The following RBSN variants were observed in gnomAD, a reference collection of about 807,000 sequenced individuals.
The protein encoded by RBSN is rabenosyn-5.
Under a neutral mutation model 60.5 loss-of-function variants are expected in RBSN, and 34 were observed. That is an observed-to-expected ratio of 0.56 (90% CI 0.43 to 0.75). The LOEUF is 0.75. RBSN is among the 30% of genes least tolerant of loss of function. The probability of loss-of-function intolerance (pLI) is 0.00; values close to 1 mark genes in which losing one functional copy is unlikely to be tolerated. For synonymous variants in RBSN, 322 were observed against 366.9 expected (o/e 0.88, Z 1.40); for missense variants, 845 against 986.8 (o/e 0.86, Z 1.92).
At chr3:15,098,455 T>TAAAAA (rs1485723784) in intron 1 of RBSN, among the ~76,000 whole-genome samples, 181 bp from the exon 2 acceptor site, 3 of 2,738 alleles carry the variant, frequency 1.1e-3, no homozygotes, top group African/African-American at 5.2e-3. Flanking sequence ...ACGTAAAAAG[T>TAAAAA]AAAAAAAATA....
chr3:15,074,930 C>G lies in RBSN; in HGVS notation c.1207G>C (p.Ala403Pro). The part of the protein sequence containing the change: ...MERKRAVERQ[A>P]ALESQRRLEE... ...AGCCTTCGCTGGGACTCCAGGGCAG[C>G]CTGGGGAGAGAGCAAAGCAGAGAGA... Residue 403 changes from alanine to proline, a missense_variant and splice_region_variant, in exon 14 of 14, where the codon GCT becomes CCT. Coordinates refer to ENST00000253699, the MANE Select transcript of RBSN (RefSeq NM_022340.4). This position sits in a 1 kb window ranked among gnomAD's most constrained non-coding sequence, Gnocchi z 6.4. 6.2e-7 allele frequency: 1 copy of G among 1,605,498 alleles called. No homozygotes were observed. The highest frequency in any genetic ancestry group is 8.5e-7 in the Non-Finnish European group (1 of 1,176,708).
rs1269471588 is a variant in RBSN, at chr3:15,089,461, A to AAAAAAAC, written c.289+937_289+938insGTTTTTT. On this transcript the variant is annotated intron_variant, in intron 5 of 13. Coordinates refer to ENST00000253699, the MANE Select transcript of RBSN (RefSeq NM_022340.4). ...ACACAGTGAGACTCCATCTCCAAAA[A>AAAAAAAC]AAAAAAAAAAAAAAAACAAAAAAAA... 8.8e-4 allele frequency among the ~76,000 whole-genome samples: 99 copies of AAAAAAAC among 112,982 alleles called. 7 individuals are homozygous for AAAAAAAC. Among genetic ancestry groups the AAAAAAAC allele is most frequent in the Non-Finnish European group, 4.2e-4 (25 of 59,826 alleles). The allele number at this position is 112,982 out of a possible 152,430, so 74.1% of individuals were successfully genotyped here.
Position 15,074,470 on chromosome 3 carries a change from G to C in RBSN, c.1667C>G (p.Pro556Arg). 1 of 1,614,224 alleles carries C rather than the reference G, an allele frequency of 6.2e-7. No individual in the cohort carries two copies. The highest frequency in any genetic ancestry group is 8.5e-7 in the Non-Finnish European group (1 of 1,180,040). Residue 556 changes from proline to arginine, a missense_variant, in exon 14 of 14, where the codon CCT (proline) becomes CGT (arginine). Physicochemically the swap from Pro to Arg is moderately radical, Grantham distance 103 (BLOSUM62 -2). Coordinates refer to ENST00000253699, the MANE Select transcript of RBSN (RefSeq NM_022340.4). This position sits in a 1 kb window ranked among gnomAD's most constrained non-coding sequence, Gnocchi z 6.4. The stretch of plus-strand genomic sequence containing the variant: ...CTCTCTGCTGGGCTCCAGCTGAAAA[G>C]GGCCGATTTCTCTGAAGTCCAGGGA... ...TRSLDFREIG[P>R]FQLEPSREPR...
rs768820778 is a variant in RBSN at position 15,074,236 on chromosome 3, G to A, written c.1901C>T (p.Ser634Phe). Residue 634 changes from serine (S) to phenylalanine (F), a missense_variant, in exon 14 of 14, where the codon TCC becomes TTC. By Grantham distance (155) the Ser-to-Phe change is radical. Coordinates refer to ENST00000253699, the MANE Select transcript of RBSN (RefSeq NM_022340.4). This position sits in a 1 kb window ranked among gnomAD's most constrained non-coding sequence, Gnocchi z 6.4. ...SLNPFDEEDLSSPMEEATTGP... is the reference protein window; with the variant it reads ...SLNPFDEEDLFSPMEEATTGP... Reference sequence around the variant, plus strand: ...AGTAGTGGCCTCTTCCATGGGGCTGGAGAGGTCTTCCTCATCAAAGGGGTT... The same window carrying A: ...AGTAGTGGCCTCTTCCATGGGGCTGAAGAGGTCTTCCTCATCAAAGGGGTT... 2.5e-6 allele frequency: 4 copies of A among 1,609,872 alleles called. No homozygotes were observed. Among genetic ancestry groups the A allele is most frequent in the South Asian group, 2.2e-5 (2 of 90,480 alleles).
intron 9 of RBSN, chr3:15,081,646 T>G (rs1439503318): frequency 6.6e-6 from 1 of 152,422 alleles, no homozygotes; most frequent in Non-Finnish European, 1.5e-5. Flanking sequence ...CAGTGGTCAT[T>G]AGGCAAAATT....
intron 4 of RBSN, 26 bp from the exon 5 acceptor site, chr3:15,090,565 A>G: frequency 6.2e-7 from 1 of 1,610,720 alleles, no homozygotes; most frequent in Non-Finnish European, 8.5e-7. Flanking sequence ...AAATAATACA[A>G]ATGAGCCATG....
chr3:15,097,347 T>C (rs1276788955), intron 2 of RBSN, among the ~76,000 whole-genome samples: 1 of 152,008 alleles, frequency 6.6e-6, no homozygotes, highest in African/African-American at 2.4e-5. Flanking sequence ...AAACCCTATC[T>C]CTACTAAAAA....
chr3:15,080,792 A>G lies in RBSN; in HGVS notation c.851T>C (p.Leu284Pro). The change falls in exon 10 of 14, where the codon CTT (leucine) becomes CCT (proline). Residue 284 changes from leucine (L) to proline (P), a missense_variant. Transcript: ENST00000253699. ...TTTCTGGTCAACTTTCTCCATGCAAAGTCGTAATTTCTAAGAACAAAAACA... is the reference window on the plus strand; with the variant it reads ...TTTCTGGTCAACTTTCTCCATGCAAGGTCGTAATTTCTAAGAACAAAAACA... ...DIVKLYEKLR[L>P]CMEKVDQKAP... 3 of 1,614,122 alleles carry G rather than the reference A, an allele frequency of 1.9e-6. No individual in the cohort carries two copies. The highest frequency in any genetic ancestry group is 1.7e-6 in the Non-Finnish European group (2 of 1,180,010).
In RBSN at chr3:15,074,574, C is replaced by T; in HGVS notation, c.1563G>A (p.Gln521=). Residue 521 remains glutamine, a synonymous_variant, in exon 14 of 14, where the codon CAG becomes CAA. Coordinates refer to ENST00000253699, the MANE Select transcript of RBSN (RefSeq NM_022340.4). This position sits in a 1 kb window ranked among gnomAD's most constrained non-coding sequence, Gnocchi z 6.4. ...ACTCCCGTTCACGCAACATCTGCAGCTGTTCCCGCTGCAGGTCCTCCTCCT... is the reference window on the plus strand; with the variant it reads ...ACTCCCGTTCACGCAACATCTGCAGTTGTTCCCGCTGCAGGTCCTCCTCCT... ...QAEEEDLQRE[Q]LQMLRERELE... The T allele has an allele frequency of 6.2e-7, 1 of 1,614,250 alleles. No homozygotes were observed. Among genetic ancestry groups the T allele is most frequent in the Non-Finnish European group, 8.5e-7 (1 of 1,180,038 alleles).
rs1383804167 is a variant in RBSN at position 15,074,821 on chromosome 3, T to C, written c.1316A>G (p.Lys439Arg). ...TGACAGTGGGAGCCAGCCCTCAGCC[T>C]TTCTCAAGGGGGCAGGGCCCCTGCG... ...SLRRGPAPLR[K>R]AEGWLPLSGG... The change falls in exon 14 of 14, where the codon AAG (lysine) becomes AGG (arginine). Residue 439 changes from lysine to arginine, a missense_variant. Transcript: ENST00000253699. This position sits in a 1 kb window ranked among gnomAD's most constrained non-coding sequence, Gnocchi z 6.4. The C allele has an allele frequency of 6.2e-7, 1 of 1,614,212 alleles. No homozygotes were observed. The highest frequency in any genetic ancestry group is 1.7e-5 in the Admixed American group (1 of 60,036).
rs189556361 is a variant in RBSN at position 15,085,717 on chromosome 3, T to A, written c.390+144A>T. On this transcript the variant is annotated intron_variant, in intron 6 of 13. Transcript: ENST00000253699. Reference sequence around the variant, plus strand: ...GCCCAGGCTAGAACTGTCCACCATGTCCTTTGCACCTCTCTAGAGAAGGTG... The same window carrying A: ...GCCCAGGCTAGAACTGTCCACCATGACCTTTGCACCTCTCTAGAGAAGGTG... 902 of 684,834 alleles carry A rather than the reference T, an allele frequency of 1.3e-3. 5 individuals are homozygous for A. Among genetic ancestry groups the A allele is most frequent in the Non-Finnish European group, 6.8e-4 (269 of 395,062 alleles). 42.4% of individuals were successfully genotyped at this position (684,834 alleles called of 1,614,324 possible). A position where few individuals can be genotyped will look rare whatever the true frequency, so the allele number is the denominator to read the frequency against.
At chr3:15,086,088 CT>C (rs1438547778) in intron 5 of RBSN, 127 bp from the exon 6 acceptor site, 1 of 180,748 alleles carries the variant, frequency 5.5e-6, no homozygotes, top group Non-Finnish European at 1.0e-5. Flanking sequence ...CCCCGTCTCT[CT>C]CCAAAAAAAA....
intron 4 of RBSN, among the ~76,000 whole-genome samples, chr3:15,095,038 G>C (rs148836536): frequency 3.3e-5 from 5 of 150,880 alleles, no homozygotes; most frequent in Admixed American, 2.6e-4. Flanking sequence ...GTGTGTGTGT[G>C]TCTCTCTCTC....
At chr3:15,094,053 T>G (rs2043585986) in intron 4 of RBSN, among the ~76,000 whole-genome samples, 1 of 152,172 alleles carries the variant, frequency 6.6e-6, no homozygotes, top group African/African-American at 2.4e-5. Flanking sequence ...TCTATTCTAT[T>G]TAGTATTCCT....
chr3:15,077,280 A>C lies in RBSN; in HGVS notation c.999-116T>G. ...ATGCCAGGAAGGTGTGTAAAGATGG[A>C]CAAGTGACTCCATTGAAGTTTCTTT... On this transcript the variant is annotated intron_variant, in intron 11 of 13. Transcript: ENST00000253699. The surrounding 1 kb of genome is among the most constrained non-coding windows in gnomAD (Gnocchi z 4.4). 4 of 842,562 alleles carry C rather than the reference A, an allele frequency of 4.7e-6. No homozygotes were observed. Among genetic ancestry groups the C allele is most frequent in the Non-Finnish European group, 7.9e-6 (4 of 509,266 alleles). 52.2% of individuals were successfully genotyped at this position (842,562 alleles called of 1,614,324 possible).
intron 4 of RBSN, among the ~76,000 whole-genome samples, chr3:15,095,315 T>A (rs1259458709): frequency 6.6e-6 from 1 of 150,428 alleles, no homozygotes; most frequent in Non-Finnish European, 1.5e-5. Context: ...TGAGCCACTG[T>A]GCCCGCCCAG....
intron 13 of RBSN, 42 bp downstream of exon 13, chr3:15,075,559 TGAGAG>T (rs1273739735): frequency 1.3e-6 from 2 of 1,538,710 alleles, no homozygotes; most frequent in East Asian, 2.2e-5. Context: ...CCTCTGTGCT[TGAGAG>T]CCACAGGAGG....
At position 15,098,186 on chromosome 3, in the gene RBSN, G is replaced by A. The variant is rs755850515; in HGVS notation, c.-412C>T. 18 of 152,096 alleles carry A rather than the reference G, an allele frequency of 1.2e-4. No individual in the cohort carries two copies. Among genetic ancestry groups the A allele is most frequent in the Non-Finnish European group, 2.4e-4 (16 of 68,050 alleles). 9.4% of individuals were successfully genotyped at this position (152,096 alleles called of 1,614,324 possible). A position where few individuals can be genotyped will look rare whatever the true frequency, so the allele number is the denominator to read the frequency against. On this transcript the variant is annotated 5_prime_UTR_variant, in exon 2 of 14. Coordinates refer to ENST00000253699, the MANE Select transcript of RBSN (RefSeq NM_022340.4). ...AATTTATAACCGCAGGTACATACGT[G>A]AAGTGACCAAGTAAGACTGTAAAAT...
At position 15,096,565 on chromosome 3, in the gene RBSN, G is replaced by T. The variant is rs1228127834; in HGVS notation, c.-199C>A. The T allele has an allele frequency of 6.5e-6, 1 of 153,804 alleles. No homozygotes were observed. Among genetic ancestry groups the T allele is most frequent in the East Asian group, 1.9e-4 (1 of 5,218 alleles). The allele number at this position is 153,804 out of a possible 1,614,324, so 9.5% of individuals were successfully genotyped here. A position where few individuals can be genotyped will look rare whatever the true frequency, so the allele number is the denominator to read the frequency against. ...CAATTCTCTTACATTCATTCCAAAT[G>T]ATCCAACTTCATAATTCATATGCCA... is the stretch of plus-strand genomic sequence containing the variant. On this transcript the variant is annotated 5_prime_UTR_variant, in exon 3 of 14. An upstream open reading frame in the 5' UTR gains an earlier in-frame stop. Transcript: ENST00000253699.
Sources: allele counts gnomAD v4.1 joint callset (sites outside exome capture counted in the v4.1 genomes callset), GRCh38; gene constraint gnomAD v4.1.1; non-coding constraint Gnocchi (gnomAD v3.1); transcripts MANE v1.5; gene names NCBI Gene and HGNC (gene_info 2026-07-23, HGNC 2026-07-21).